FGF13: variants seen among roughly 807,000 people sequenced by gnomAD.
FGF13 encodes the protein fibroblast growth factor 13.
In FGF13, 2 loss-of-function variants were observed where a neutral mutation model predicts 19.5. The ratio of observed to expected loss-of-function variants is 0.10; its 90% CI spans 0.04 to 0.32. The LOEUF (loss-of-function observed/expected upper bound fraction) is 0.32, where lower values mean the gene tolerates loss of function less well. Ranked by LOEUF, FGF13 falls within the 10% of genes least tolerant of loss-of-function variation. The pLI, the probability that FGF13 is intolerant of heterozygous loss-of-function variation, is 1.00. For synonymous variants in FGF13, 72 were observed against 76.9 expected (o/e 0.94, Z 0.33); for missense variants, 113 against 192.7 (o/e 0.59, Z 2.45).
At chrX:139,186,416 T>C in intron 1 of FGF13, among the ~76,000 whole-genome samples, 1 of 111,683 alleles carries the variant, frequency 9.0e-6, no homozygotes, top group East Asian at 2.8e-4. Flanking sequence ...TCTCAAATCT[T>C]TAGACATTGT....
At position 138,911,835 on chromosome X, in the gene FGF13, G is replaced by A. The variant is rs767504959; in HGVS notation, c.-112-47185C>T. Among the ~76,000 whole-genome samples the A allele has an allele frequency of 7.2e-5, 8 of 111,243 alleles. 1 individual carries two copies. The highest frequency in any genetic ancestry group is 4.8e-4 in the Admixed American group (5 of 10,425). ...CATATTCCTCACATCTATATGTTCCGAAACACCCAGAATAACACCCTGTCT... is the reference window on the plus strand; with the variant it reads ...CATATTCCTCACATCTATATGTTCCAAAACACCCAGAATAACACCCTGTCT... On this transcript the variant is annotated intron_variant, in intron 1 of 2. Coordinates refer to the FGF13 transcript ENST00000421460.
Position 138,632,706 on chromosome X carries a change from T to C in FGF13, c.*144A>G. On this transcript the variant is annotated 3_prime_UTR_variant, in exon 5 of 5. Coordinates refer to ENST00000315930, the MANE Select transcript of FGF13 (RefSeq NM_004114.5). ...TAGTATGGATGATAAGAAGGTCTAA[T>C]GGCAGATAGAATAGTGAACTCTGCC... 6.7e-6 allele frequency: 4 copies of C among 595,050 alleles called. No individual in the cohort carries two copies. The highest frequency in any genetic ancestry group is 1.0e-5 in the Non-Finnish European group (4 of 384,989). 49.0% of individuals were successfully genotyped at this position (595,050 alleles called of 1,213,427 possible).
At position 138,626,104 on chromosome X, in the gene FGF13, A is replaced by C. The variant is rs1442018011; in HGVS notation, c.*6746T>G. On this transcript the variant is annotated 3_prime_UTR_variant, in exon 5 of 5. Transcript: ENST00000315930. ...TAAATTACTCATTAGGTTTCTACAA[A>C]ACATGTAGAGCAACTCCATTTCAGA... 1 of 112,069 alleles carries C rather than the reference A, an allele frequency of 8.9e-6. No individual in the cohort carries two copies. The highest frequency in any genetic ancestry group is 3.2e-5 in the African/African-American group (1 of 30,809). 9.2% of individuals were successfully genotyped at this position (112,069 alleles called of 1,213,427 possible).
intron 1 of FGF13, among the ~76,000 whole-genome samples, chrX:138,963,116 C>T (rs947559919): frequency 8.9e-6 from 1 of 112,795 alleles, no homozygotes; most frequent in African/African-American, 3.2e-5. Context: ...TGTCCCAAAT[C>T]ACCCACTGGT....
intron 3 of FGF13, among the ~76,000 whole-genome samples, chrX:138,785,900 C>T (rs759078649): frequency 1.8e-5 from 2 of 111,835 alleles, no homozygotes; most frequent in East Asian, 5.6e-4. Context: ...AATCATCTCT[C>T]CCAGCAATTT....
intron 3 of FGF13, among the ~76,000 whole-genome samples, chrX:138,837,750 C>T (rs2091122834): frequency 9.0e-6 from 1 of 111,493 alleles, no homozygotes; most frequent in Non-Finnish European, 1.9e-5. Context: ...TGCTGGGGTA[C>T]TGCTTCTGTC....
intron 1 of FGF13, among the ~76,000 whole-genome samples, chrX:139,069,473 G>A (rs1167423775): frequency 1.3e-5 from 1 of 79,474 alleles, no homozygotes; most frequent in East Asian, 5.0e-4. Context: ...GGGGGTGGGG[G>A]GAGGGGGGAG....
chrX:138,686,811 C>T (rs1177557070), intron 3 of FGF13, among the ~76,000 whole-genome samples: 2 of 111,586 alleles, frequency 1.8e-5, no homozygotes, highest in East Asian at 2.8e-4. Flanking sequence ...TATATAAAGC[C>T]TCTTAAAGGC....
At chrX:138,877,674 A>T (rs757503000) in intron 1 of FGF13, among the ~76,000 whole-genome samples, 11 of 112,601 alleles carry the variant, frequency 9.8e-5, no homozygotes, top group Non-Finnish European at 1.5e-4. Flanking sequence ...ATCACATAGT[A>T]TTTATCCTTT....
chrX:138,882,686 A>G (rs1238540568), intron 1 of FGF13, among the ~76,000 whole-genome samples: 1 of 111,952 alleles, frequency 8.9e-6, no homozygotes, highest in Non-Finnish European at 1.9e-5. Context: ...GGCTGGTTTC[A>G]GTACAGAAGT....
intron 1 of FGF13, among the ~76,000 whole-genome samples, chrX:139,057,183 T>G (rs756144082): frequency 8.9e-6 from 1 of 111,820 alleles, no homozygotes; most frequent in Non-Finnish European, 1.9e-5. Flanking sequence ...CCACATATTT[T>G]AGAAATGACA....
rs1370994182 is a variant in FGF13 at position 138,617,382 on chromosome X, A to G, written c.*15468T>C. The G allele has an allele frequency of 8.9e-6, 1 of 112,240 alleles. No homozygotes were observed. The highest frequency in any genetic ancestry group is 1.9e-5 in the Non-Finnish European group (1 of 53,289). The allele number at this position is 112,240 out of a possible 1,213,427, so 9.2% of individuals were successfully genotyped here. A position where few individuals can be genotyped will look rare whatever the true frequency, so the allele number is the denominator to read the frequency against. On this transcript the variant is annotated 3_prime_UTR_variant, in exon 5 of 5. Coordinates refer to ENST00000315930, the MANE Select transcript of FGF13 (RefSeq NM_004114.5). Reference sequence around the variant, plus strand: ...ATTAATTGATGGATATATTTTCATAATGAAATGTTGGGGGAAATACTTGGA... The same window carrying G: ...ATTAATTGATGGATATATTTTCATAGTGAAATGTTGGGGGAAATACTTGGA...
intron 3 of FGF13, among the ~76,000 whole-genome samples, chrX:138,749,364 C>CACGT (rs1297922794): frequency 9.7e-6 from 1 of 103,111 alleles, no homozygotes; most frequent in African/African-American, 3.4e-5. Flanking sequence ...CACACACACA[C>CACGT]ACACACGTAC....
At chrX:138,732,296 T>C (rs1027691997) in intron 1 of FGF13, among the ~76,000 whole-genome samples, 4 of 112,244 alleles carry the variant, frequency 3.6e-5, no homozygotes, top group African/African-American at 1.3e-4. Context: ...AAAATGTTTA[T>C]AGCAGCTTTA....
rs187105191 is a variant in FGF13, at chrX:138,796,273, A to C, written c.217+61239T>G. Among the ~76,000 whole-genome samples, 5 of 110,641 alleles carry C rather than the reference A, an allele frequency of 4.5e-5. No individual in the cohort carries two copies. In the East Asian group the frequency reaches 8.7e-4, roughly 19 times the overall value. On this transcript the variant is annotated intron_variant, in intron 3 of 6. Coordinates refer to the FGF13 transcript ENST00000436198. ...GTGTGATCTTCCCCTCCATGTGTCC[A>C]TGTGTTCTTATTGTTCAACTCCCAC... is the stretch of plus-strand genomic sequence containing the variant.
Position 138,630,355 on chromosome X carries a change from A to C in FGF13, c.*2495T>G, listed in dbSNP as rs759603209. ...AGTGACCAAACTTTAAAGTTCTTAG[A>C]GAAAGAGGGAGACAATGCACTACTT... On this transcript the variant is annotated 3_prime_UTR_variant, in exon 5 of 5. Transcript: ENST00000315930. 1.8e-3 allele frequency: 203 copies of C among 111,365 alleles called. No homozygotes were observed. Among genetic ancestry groups the C allele is most frequent in the African/African-American group, 5.6e-3 (172 of 30,618 alleles). 9.2% of individuals were successfully genotyped at this position (111,365 alleles called of 1,213,427 possible).
chrX:138,918,325 G>T (rs1196521544), intron 1 of FGF13, among the ~76,000 whole-genome samples: 1 of 110,889 alleles, frequency 9.0e-6, no homozygotes, highest in African/African-American at 3.3e-5. Flanking sequence ...TATTACCAAG[G>T]TCTTCACTGC....
At chrX:139,147,643 G>C (rs1257440165) in intron 1 of FGF13, among the ~76,000 whole-genome samples, 3 of 111,674 alleles carry the variant, frequency 2.7e-5, no homozygotes, top group African/African-American at 9.8e-5. Context: ...CTGGAGGCTA[G>C]AAGTCTGAAA....
In FGF13 at chrX:139,146,441, C is replaced by A. The variant is rs865779188; in HGVS notation, c.-113+56975G>T. On this transcript the variant is annotated intron_variant, in intron 1 of 2. Transcript: ENST00000421460. ...TGAGATACCATCTCACACCAGTTAG[C>A]ATGGCGATCATTAAAAAGTCAGGAA... Among the ~76,000 whole-genome samples the A allele has an allele frequency of 2.9e-3, 322 of 111,973 alleles. 1 individual carries two copies. The highest frequency in any genetic ancestry group is 4.7e-3 in the Non-Finnish European group (248 of 53,152).
Sources: allele counts gnomAD v4.1 joint callset (sites outside exome capture counted in the v4.1 genomes callset), GRCh38; gene constraint gnomAD v4.1.1; transcripts MANE v1.5; gene names NCBI Gene and HGNC (gene_info 2026-07-23, HGNC 2026-07-21).